Variants in CAST observed in about 807,000 individuals in gnomAD.
The protein encoded by CAST is MIR583 host.
CAST carries 76 observed loss-of-function variants against 119.6 expected under a neutral mutation model. The ratio of observed to expected loss-of-function variants is 0.64; its 90% CI spans 0.53 to 0.77. CAST has a LOEUF of 0.77. Ranked by LOEUF, CAST falls within the 30% of genes least tolerant of loss-of-function variation. The pLI is 0.00. For synonymous variants in CAST, 319 were observed against 331.6 expected (o/e 0.96, Z 0.41); for missense variants, 953 against 946.5 (o/e 1.01, Z -0.09).
the CAST span, among the ~76,000 whole-genome samples, chr5:96,376,505 A>G: frequency 2.0e-5 from 3 of 151,730 alleles, no homozygotes; most frequent in African/African-American, 7.3e-5. Flanking sequence ...CAGTGGTGCA[A>G]TCTCAGCTTA....
the CAST span, among the ~76,000 whole-genome samples, chr5:96,318,100 A>T: frequency 6.6e-6 from 1 of 152,256 alleles, no homozygotes; most frequent in African/African-American, 2.4e-5. Flanking sequence ...AACTTAAAAA[A>T]AAATCACAGC....
At chr5:96,453,218 CTTGT>C in the CAST span, among the ~76,000 whole-genome samples, 1 of 152,106 alleles carries the variant, frequency 6.6e-6, no homozygotes, top group Non-Finnish European at 1.5e-5. Context: ...CAATTGGATA[CTTGT>C]TTTTCTGTTA....
chr5:96,640,783 G>A (rs562133726), intron 1 of CAST, among the ~76,000 whole-genome samples: 1 of 152,208 alleles, frequency 6.6e-6, no homozygotes, highest in Non-Finnish European at 1.5e-5. Context: ...GCTTGATGGG[G>A]AAGAATCATG....
the CAST span, among the ~76,000 whole-genome samples, chr5:95,974,007 A>G: frequency 8.1e-5 from 12 of 147,920 alleles, no homozygotes; most frequent in Non-Finnish European, 1.0e-4. Context: ...TTGCACGCAC[A>G]CACACACACA....
chr5:96,412,277 G>T, the CAST span: 5,818 of 1,514,236 alleles, frequency 3.8e-3, 185 homozygotes, highest in African/African-American at 0.07. Flanking sequence ...TATCCAGATG[G>T]TCAGGTTTCA....
At chr5:96,552,185 A>G (rs1337524437) in intron 1 of CAST, among the ~76,000 whole-genome samples, 2 of 152,222 alleles carry the variant, frequency 1.3e-5, no homozygotes, top group African/African-American at 4.8e-5. Flanking sequence ...ACTCCTCAGT[A>G]AATCTAAAAG....
chr5:96,694,882 A>G (rs1470269681), intron 2 of CAST, among the ~76,000 whole-genome samples: 2 of 152,244 alleles, frequency 1.3e-5, no homozygotes, highest in Non-Finnish European at 2.9e-5. Context: ...ATAACCTCAT[A>G]TGACCTTAAA....
At chr5:96,386,675 C>T in the CAST span, among the ~76,000 whole-genome samples, 1 of 152,170 alleles carries the variant, frequency 6.6e-6, no homozygotes, top group African/African-American at 2.4e-5. Context: ...TCTACAGAAA[C>T]CATACTTTGC....
chr5:96,443,571 G>A, the CAST span, among the ~76,000 whole-genome samples: 9 of 152,258 alleles, frequency 5.9e-5, no homozygotes, highest in East Asian at 1.9e-4. Flanking sequence ...TGTAATCACC[G>A]AATTTAAAAA....
chr5:96,374,100 C>A, the CAST span, among the ~76,000 whole-genome samples: 2 of 152,122 alleles, frequency 1.3e-5, no homozygotes, highest in African/African-American at 4.8e-5. Flanking sequence ...AGAAAACCTG[C>A]TACACTTCAA....
At chr5:96,763,053 C>T (rs1262935202) in intron 25 of CAST, 2 of 757,076 alleles carry the variant, frequency 2.6e-6, no homozygotes, top group Admixed American at 1.7e-5. Context: ...TTGCCCTAAA[C>T]CAGATCCCCA....
the CAST span, among the ~76,000 whole-genome samples, chr5:96,033,719 AG>A: frequency 6.6e-6 from 1 of 152,158 alleles, no homozygotes; most frequent in East Asian, 1.9e-4. Context: ...GAGTTGAAAA[AG>A]CTCCATGACA....
At chr5:96,066,016 T>C in the CAST span, among the ~76,000 whole-genome samples, 4 of 152,294 alleles carry the variant, frequency 2.6e-5, no homozygotes, top group East Asian at 7.7e-4. Flanking sequence ...GAGAACAGAC[T>C]AGAACACTCC....
the CAST span, among the ~76,000 whole-genome samples, chr5:96,299,285 CAACAACA>C: frequency 1.2e-3 from 111 of 91,538 alleles, no homozygotes; most frequent in African/African-American, 4.6e-3. Flanking sequence ...ACAACAACAA[CAACAACA>C]AACAAACAAA....
Position 96,662,402 on chromosome 5 carries a change from A to G in CAST, c.-21A>G, listed in dbSNP as rs1471748216. On this transcript the variant is annotated 5_prime_UTR_variant, in exon 1 of 32. Transcript: ENST00000675179. ...CTCTCCGCGGCGCATTCCGGGAGGC[A>G]GCGGCCGCAGCGGCCTCGCCATGTC... 1.6e-6 allele frequency: 2 copies of G among 1,254,390 alleles called. No individual in the cohort carries two copies. The highest frequency in any genetic ancestry group is 3.3e-5 in the Admixed American group (1 of 30,408). 77.7% of individuals were successfully genotyped at this position (1,254,390 alleles called of 1,614,324 possible).
chr5:96,574,783 AG>A (rs1246393920), intron 1 of CAST, among the ~76,000 whole-genome samples: 1 of 152,198 alleles, frequency 6.6e-6, no homozygotes, highest in Non-Finnish European at 1.5e-5. Context: ...TTTGTCAAAA[AG>A]ACTGCTATCC....
intron 1 of CAST, among the ~76,000 whole-genome samples, chr5:96,617,546 T>G (rs995135476): frequency 3.3e-5 from 5 of 151,828 alleles, no homozygotes; most frequent in Non-Finnish European, 7.4e-5. Context: ...TCCCGGCACT[T>G]TGGGAGGCCA....
rs542171085 is a variant in CAST, at chr5:96,727,135, T to G, written c.336+276T>G. ...TGATAAAAACACCGTGTTAGTGGCA[T>G]GGAAACACAGTGCCCTTGGCTTTGT... On this transcript the variant is annotated intron_variant, in intron 5 of 31. Coordinates refer to ENST00000675179, the MANE Select transcript of CAST (RefSeq NM_001750.7). Among the ~76,000 whole-genome samples, 72 of 152,358 alleles carry G rather than the reference T, an allele frequency of 4.7e-4. 1 individual carries two copies. Among genetic ancestry groups the G allele is most frequent in the Non-Finnish European group, 8.4e-4 (57 of 68,030 alleles).
At chr5:96,225,634 G>A in the CAST span, among the ~76,000 whole-genome samples, 2 of 152,132 alleles carry the variant, frequency 1.3e-5, no homozygotes, top group African/African-American at 4.8e-5. Context: ...CCTTACTAAT[G>A]TATATGTAAA....
Sources: gnomAD v4.1 joint callset for allele counts (sites outside exome capture counted in the v4.1 genomes callset) on GRCh38, gnomAD v4.1.1 for gene constraint, MANE v1.5 for transcripts, NCBI Gene and HGNC (gene_info 2026-07-23, HGNC 2026-07-21) for gene names.